Variants in ZFHX3 observed in about 807,000 individuals in gnomAD.
The protein encoded by ZFHX3 is zinc finger homeobox 3, also known as zinc finger homeobox protein 3.
ZFHX3 carries 42 observed loss-of-function variants against 279.1 expected under a neutral mutation model. The observed-to-expected ratio is 0.15, with a 90% confidence interval of 0.12 to 0.19. The LOEUF is 0.19. ZFHX3 is among the 10% of genes least tolerant of loss of function. ZFHX3 has a pLI of 1.00. For synonymous variants in ZFHX3, 2,293 were observed against 1,957.8 expected, an observed-to-expected ratio of 1.17 and a Z score of -4.52; for missense variants, 4,981 against 4,754.0, an observed-to-expected ratio of 1.05 and a Z score of -1.40.
chr16:73,592,755 A>T (rs1335787368), intron 2 of ZFHX3, among the ~76,000 whole-genome samples: 1 of 152,112 alleles, frequency 6.6e-6, no homozygotes. Context: ...TTTTAAATAG[A>T]GACAAATAGA....
At position 73,653,439 on chromosome 16, in the gene ZFHX3, C is replaced by T. The variant is rs2052690686; in HGVS notation, c.-1547+26741G>A. The stretch of plus-strand genomic sequence containing the variant: ...CAGAAATCATTAAACAAAAATAAAA[C>T]TAGAAAATCTCCCATCAGTTTGGAA... On this transcript the variant is annotated intron_variant, in intron 2 of 17. Coordinates refer to the ZFHX3 transcript ENST00000641206. 2.6e-5 allele frequency among the ~76,000 whole-genome samples: 4 copies of T among 152,134 alleles called. No individual in the cohort carries two copies. In the South Asian group the frequency reaches 8.3e-4, roughly 31 times the overall value.
At chr16:73,688,356 CAA>C (rs61469980) in intron 1 of ZFHX3, among the ~76,000 whole-genome samples, 6 of 103,736 alleles carry the variant, frequency 5.8e-5, no homozygotes, top group Admixed American at 1.1e-4. Context: ...GACTCCATCT[CAA>C]AAAAAAAAAA....
intron 2 of ZFHX3, among the ~76,000 whole-genome samples, chr16:73,524,280 G>T (rs921512629): frequency 6.6e-6 from 1 of 152,208 alleles, no homozygotes; most frequent in Non-Finnish European, 1.5e-5. Context: ...GTGACAGGAA[G>T]TCCACTAGAA....
intron 3 of ZFHX3, among the ~76,000 whole-genome samples, chr16:73,414,906 G>A (rs2017541904): frequency 6.6e-6 from 1 of 152,218 alleles, no homozygotes; most frequent in South Asian, 2.1e-4. Flanking sequence ...GCAGAGGTGA[G>A]AACAGACTAG....
intron 1 of ZFHX3, among the ~76,000 whole-genome samples, chr16:73,716,910 A>G (rs947634529): frequency 6.6e-6 from 1 of 152,034 alleles, no homozygotes. Flanking sequence ...ATTTTTTTTC[A>G]AGTAAATCCA....
intron 2 of ZFHX3, among the ~76,000 whole-genome samples, chr16:73,605,272 C>T (rs2052165924): frequency 6.6e-6 from 1 of 152,196 alleles, no homozygotes; most frequent in African/African-American, 2.4e-5. Context: ...TTAAAAGAAG[C>T]TCGCTGAAAA....
chr16:72,915,840 A>G (rs1025305906), intron 3 of ZFHX3, among the ~76,000 whole-genome samples: 1 of 152,182 alleles, frequency 6.6e-6, no homozygotes, highest in Non-Finnish European at 1.5e-5. Context: ...GAAAAGTGTT[A>G]TTAATAAGTT....
intron 3 of ZFHX3, among the ~76,000 whole-genome samples, chr16:73,387,655 T>C (rs2016928820): frequency 6.6e-6 from 1 of 152,130 alleles, no homozygotes; most frequent in Non-Finnish European, 1.5e-5. Flanking sequence ...AAAATTTTTC[T>C]TTTCAATTAA....
chr16:72,855,899 A>C (rs895871382), intron 4 of ZFHX3, among the ~76,000 whole-genome samples: 2 of 152,204 alleles, frequency 1.3e-5, no homozygotes, highest in Non-Finnish European at 2.9e-5. Flanking sequence ...GCCAACTGCC[A>C]CCTTCCCCGT....
intron 1 of ZFHX3, among the ~76,000 whole-genome samples, chr16:73,712,874 T>C (rs947448732): frequency 2.0e-5 from 3 of 152,236 alleles, no homozygotes; most frequent in African/African-American, 7.2e-5. Flanking sequence ...CTTTGCCTCA[T>C]GCTGGAGAGA....
rs951406419 is a variant in ZFHX3, at chr16:72,835,523, A to C, written c.3449-5664T>G. Among the ~76,000 whole-genome samples, 4 of 152,318 alleles carry C rather than the reference A, an allele frequency of 2.6e-5. 1 individual carries two copies. On this transcript the variant is annotated intron_variant, in intron 4 of 9. Transcript: ENST00000268489. The stretch of plus-strand genomic sequence containing the variant: ...ATAGGACCTCTTCTTTGAAAAACAA[A>C]ATAACCTATCTGCTTACTTTGAAGA...
intron 2 of ZFHX3, among the ~76,000 whole-genome samples, chr16:73,534,049 G>C (rs1213834178): frequency 6.6e-6 from 1 of 152,100 alleles, no homozygotes; most frequent in Admixed American, 6.6e-5. Flanking sequence ...CTCTGCTCAA[G>C]GTCGTCAGAT....
chr16:73,269,859 C>T (rs1029850473), intron 4 of ZFHX3, among the ~76,000 whole-genome samples: 7 of 152,022 alleles, frequency 4.6e-5, no homozygotes, highest in African/African-American at 1.7e-4. Flanking sequence ...AGCGATTCTC[C>T]TGCCTCAGTC....
chr16:73,498,295 G>T (rs999430443), intron 2 of ZFHX3, among the ~76,000 whole-genome samples: 3 of 152,184 alleles, frequency 2.0e-5, no homozygotes, highest in Non-Finnish European at 4.4e-5. Flanking sequence ...TTGGCTTTTG[G>T]TAGGGAAACA....
intron 5 of ZFHX3, among the ~76,000 whole-genome samples, chr16:73,147,814 G>C (rs776835891): frequency 1.9e-4 from 29 of 151,768 alleles, no homozygotes; most frequent in Non-Finnish European, 3.8e-4. Context: ...CCAGGCTGCA[G>C]TGAGCCGTGA....
At chr16:73,188,852 G>C (rs1002228259) in intron 5 of ZFHX3, among the ~76,000 whole-genome samples, 1 of 145,398 alleles carries the variant, frequency 6.9e-6, no homozygotes, top group South Asian at 2.2e-4. Flanking sequence ...GCTAGCGTCT[G>C]GATATTTCTT....
chr16:72,993,754 G>T (rs543991765), intron 1 of ZFHX3, among the ~76,000 whole-genome samples: 1 of 152,264 alleles, frequency 6.6e-6, no homozygotes, highest in South Asian at 2.1e-4. Flanking sequence ...CCTCAGGAGA[G>T]GCGGCAAGTT....
At chr16:73,124,464 A>G (rs1212810416) in intron 7 of ZFHX3, among the ~76,000 whole-genome samples, 1 of 152,136 alleles carries the variant, frequency 6.6e-6, no homozygotes, top group African/African-American at 2.4e-5. Flanking sequence ...CACATTGAGG[A>G]TTAGGTTTCA....
At chr16:73,284,906 G>T (rs2014555116) in intron 4 of ZFHX3, among the ~76,000 whole-genome samples, 1 of 152,126 alleles carries the variant, frequency 6.6e-6, no homozygotes, top group African/African-American at 2.4e-5. Context: ...GCACTGGTGT[G>T]ATCAGCTCAC....
Sources: gnomAD v4.1 joint callset for allele counts (sites outside exome capture counted in the v4.1 genomes callset) on GRCh38, gnomAD v4.1.1 for gene constraint, MANE v1.5 for transcripts, NCBI Gene and HGNC (gene_info 2026-07-23, HGNC 2026-07-21) for gene names.